FBXO28: variants seen among roughly 807,000 people sequenced by gnomAD.
FBXO28 encodes the protein F-box protein 28.
FBXO28 carries 8 observed loss-of-function variants against 38.1 expected under a neutral mutation model. That is an observed-to-expected ratio of 0.21 (90% confidence interval 0.12 to 0.38). The LOEUF (loss-of-function observed/expected upper bound fraction) is 0.38, where lower values mean the gene tolerates loss of function less well. FBXO28 is among the 10% of genes least tolerant of loss of function. The pLI is 1.00. For missense variants in FBXO28, 345 were observed against 460.6 expected, an observed-to-expected ratio of 0.75 and a Z score of 2.30; for synonymous variants, 168 against 173.8, an observed-to-expected ratio of 0.97 and a Z score of 0.26.
chr1:224,141,339 C>T (rs939888355), intron 3 of FBXO28, among the ~76,000 whole-genome samples: 3 of 151,632 alleles, frequency 2.0e-5, no homozygotes, highest in Non-Finnish European at 4.4e-5. Context: ...GGCATGGTGG[C>T]GGGTGCCTGT....
At chr1:224,140,206 T>A (rs1194638341) in intron 3 of FBXO28, among the ~76,000 whole-genome samples, 3 of 152,252 alleles carry the variant, frequency 2.0e-5, no homozygotes, top group Non-Finnish European at 4.4e-5. Flanking sequence ...AGGATACTCT[T>A]ACTTAACCAC....
chr1:224,133,983 C>T, intron 2 of FBXO28, 91 bp from the exon 3 acceptor site: 1 of 867,938 alleles, frequency 1.2e-6, no homozygotes, highest in Non-Finnish European at 1.6e-6. Context: ...ATGTAAAAGA[C>T]TGTTTCATTA....
At chr1:224,129,919 G>A (rs1185633285) in intron 1 of FBXO28, among the ~76,000 whole-genome samples, 2 of 152,178 alleles carry the variant, frequency 1.3e-5, no homozygotes, top group African/African-American at 2.4e-5. Context: ...GAACCCAGGA[G>A]GTGGAGCTTG....
rs72511891 is a variant in FBXO28 at position 224,114,454 on chromosome 1, A to AGGT, written c.267+59_267+60insGTG. On this transcript the variant is annotated intron_variant, in intron 1 of 4. Coordinates refer to ENST00000366862, the MANE Select transcript of FBXO28 (RefSeq NM_015176.4). ...CCCCCCGGCCGAGGTCTGGGAGATG[A>AGGT]GAAGGGAGCGCGTTCCCCGGGAAGG... is the stretch of plus-strand genomic sequence containing the variant. 3.6e-6 allele frequency: 5 copies of AGGT among 1,401,472 alleles called. No individual in the cohort carries two copies. In the Admixed American group the frequency reaches 1.3e-4, roughly 37 times the overall value. 86.8% of individuals were successfully genotyped at this position (1,401,472 alleles called of 1,614,324 possible). A position where few individuals can be genotyped will look rare whatever the true frequency, so the allele number is the denominator to read the frequency against.
At chr1:224,147,768 G>A (rs1171902260) in intron 3 of FBXO28, among the ~76,000 whole-genome samples, 1 of 148,040 alleles carries the variant, frequency 6.8e-6, no homozygotes, top group Non-Finnish European at 1.5e-5. Context: ...CCTAAGGCCT[G>A]TGGTCTTTCC....
At chr1:224,149,373 G>A (rs1463308832) in intron 3 of FBXO28, among the ~76,000 whole-genome samples, 2 of 143,430 alleles carry the variant, frequency 1.4e-5, no homozygotes, top group Admixed American at 1.4e-4. Flanking sequence ...TTAATTTTTT[G>A]TAGAGACAGA....
intron 1 of FBXO28, among the ~76,000 whole-genome samples, chr1:224,125,124 T>A (rs1004462706): frequency 6.6e-6 from 1 of 151,928 alleles, no homozygotes; most frequent in Non-Finnish European, 1.5e-5. Context: ...TTTTTTTTTT[T>A]TTCTTTTGAG....
intron 1 of FBXO28, among the ~76,000 whole-genome samples, chr1:224,119,742 C>T (rs534752112): frequency 3.9e-5 from 6 of 151,960 alleles, no homozygotes; most frequent in Admixed American, 6.6e-5. Flanking sequence ...AAGTTTTTAT[C>T]CAGTTAATAA....
At chr1:224,122,032 G>A (rs752463440) in intron 1 of FBXO28, among the ~76,000 whole-genome samples, 1 of 152,030 alleles carries the variant, frequency 6.6e-6, no homozygotes, top group Non-Finnish European at 1.5e-5. Context: ...CCTTGGCCTC[G>A]CAAAGTGCTG....
chr1:224,119,141 T>TC (rs1553287751), intron 1 of FBXO28, among the ~76,000 whole-genome samples: 2 of 140,906 alleles, frequency 1.4e-5, no homozygotes, highest in Admixed American at 7.2e-5. Context: ...TTTTCTTTTT[T>TC]TTTTTTTTTT....
intron 1 of FBXO28, among the ~76,000 whole-genome samples, chr1:224,129,384 T>G (rs2102615921): frequency 6.6e-6 from 1 of 152,328 alleles, no homozygotes; most frequent in East Asian, 1.9e-4. Flanking sequence ...TATAAAGGCC[T>G]TGGCCATCAT....
At chr1:224,124,837 C>T (rs1445791665) in intron 1 of FBXO28, among the ~76,000 whole-genome samples, 1 of 152,176 alleles carries the variant, frequency 6.6e-6, no homozygotes, top group Non-Finnish European at 1.5e-5. Context: ...AAGCGACCCT[C>T]CTGCCTCAGC....
At chr1:224,120,261 A>C (rs1023494290) in intron 1 of FBXO28, among the ~76,000 whole-genome samples, 2 of 152,192 alleles carry the variant, frequency 1.3e-5, no homozygotes, top group Non-Finnish European at 1.5e-5. Flanking sequence ...ACAAACATCA[A>C]GCTCTTCAGT....
intron 1 of FBXO28, among the ~76,000 whole-genome samples, chr1:224,128,690 A>G (rs1448727060): frequency 1.3e-5 from 2 of 152,154 alleles, no homozygotes; most frequent in Non-Finnish European, 2.9e-5. Context: ...TTTACTGTAT[A>G]AAAACACCAT....
chr1:224,120,176 G>A (rs1656739481), intron 1 of FBXO28, among the ~76,000 whole-genome samples: 1 of 152,144 alleles, frequency 6.6e-6, no homozygotes, highest in Non-Finnish European at 1.5e-5. Flanking sequence ...TTGAGACTGG[G>A]AGCAAAAGAT....
At chr1:224,146,732 G>A (rs1657516925) in intron 3 of FBXO28, among the ~76,000 whole-genome samples, 1 of 118,366 alleles carries the variant, frequency 8.4e-6, no homozygotes. Context: ...TTGGGAGACT[G>A]AGTCTTGCTG....
chr1:224,117,092 G>A (rs769246829), intron 1 of FBXO28, among the ~76,000 whole-genome samples: 1 of 151,884 alleles, frequency 6.6e-6, no homozygotes, highest in East Asian at 1.9e-4. Context: ...AGAATTGCTT[G>A]AACCTGGGAG....
At chr1:224,142,997 T>C (rs1028310984) in intron 3 of FBXO28, among the ~76,000 whole-genome samples, 5 of 151,612 alleles carry the variant, frequency 3.3e-5, no homozygotes, top group Admixed American at 3.3e-4. Context: ...AAAGAGACTC[T>C]GAAATAAATA....
chr1:224,114,567 G>C (rs1470265315), intron 1 of FBXO28, among the ~76,000 whole-genome samples, 171 bp downstream of exon 1: 1 of 79,820 alleles, frequency 1.3e-5, no homozygotes. Context: ...CAGCAGGAGT[G>C]GGCTGGTTCC....
Sources: allele counts gnomAD v4.1 joint callset (sites outside exome capture counted in the v4.1 genomes callset), GRCh38; gene constraint gnomAD v4.1.1; transcripts MANE v1.5; gene names NCBI Gene and HGNC (gene_info 2026-07-23, HGNC 2026-07-21).